CDH11: variants seen among roughly 807,000 people sequenced by gnomAD.
CDH11 encodes the protein cadherin 11.
CDH11 carries 11 observed loss-of-function variants against 67.8 expected under a neutral mutation model. That is an observed-to-expected ratio of 0.16 (90% CI 0.10 to 0.27). The LOEUF (loss-of-function observed/expected upper bound fraction) is 0.27. Ranked by LOEUF, CDH11 falls within the 10% of genes least tolerant of loss-of-function variation. The pLI, the probability that CDH11 is intolerant of heterozygous loss-of-function variation, is 1.00. For synonymous variants in CDH11, 419 were observed against 400.0 expected, an observed-to-expected ratio of 1.05 and a Z score of -0.57; for missense variants, 847 against 1,031.2, an observed-to-expected ratio of 0.82 and a Z score of 2.45.
chr16:65,077,259 T>C (rs924021040), intron 1 of CDH11, among the ~76,000 whole-genome samples: 3 of 152,154 alleles, frequency 2.0e-5, no homozygotes, highest in Non-Finnish European at 2.9e-5. Context: ...AGTTTCCTTA[T>C]TGGAGGAAAA....
At chr16:65,109,770 C>A (rs2075125843) in intron 1 of CDH11, among the ~76,000 whole-genome samples, 2 of 152,208 alleles carry the variant, frequency 1.3e-5, no homozygotes, top group Admixed American at 1.3e-4. Context: ...CCTGCCATAG[C>A]TGCCCTTGGA....
chr16:65,044,509 G>A (rs144868732), intron 2 of CDH11, among the ~76,000 whole-genome samples: 64 of 152,094 alleles, frequency 4.2e-4, no homozygotes, highest in African/African-American at 1.5e-3. Context: ...CCCAGGACCC[G>A]TGGAAGTGAT....
chr16:64,952,192 A>G (rs1217901925), intron 11 of CDH11, among the ~76,000 whole-genome samples: 2 of 152,168 alleles, frequency 1.3e-5, no homozygotes, highest in Non-Finnish European at 2.9e-5. Context: ...ATATAATTCA[A>G]AAGTCATCTC....
intron 2 of CDH11, among the ~76,000 whole-genome samples, chr16:65,042,626 C>T (rs1318247902): frequency 4.6e-5 from 7 of 152,064 alleles, no homozygotes; most frequent in African/African-American, 1.2e-4. Context: ...TAAAACAGGA[C>T]GTCAATAAAT....
At chr16:64,985,166 C>T (rs886741512) in intron 7 of CDH11, 1 of 152,202 alleles carries the variant, frequency 6.6e-6, no homozygotes, top group Non-Finnish European at 1.5e-5. Flanking sequence ...GCTAACCACA[C>T]AGAGATTGTC....
At chr16:65,019,185 G>T (rs1158988805) in intron 2 of CDH11, among the ~76,000 whole-genome samples, 1 of 152,054 alleles carries the variant, frequency 6.6e-6, no homozygotes, top group Non-Finnish European at 1.5e-5. Flanking sequence ...GACTTTAGGA[G>T]ACTTAGTATT....
chr16:65,079,851 G>A (rs138621277), intron 1 of CDH11, among the ~76,000 whole-genome samples: 2 of 152,270 alleles, frequency 1.3e-5, no homozygotes, highest in South Asian at 2.1e-4. Context: ...TTCTCTGACT[G>A]TTTCATCAAG....
chr16:65,035,583 T>G (rs1431964620), intron 2 of CDH11, among the ~76,000 whole-genome samples: 1 of 152,212 alleles, frequency 6.6e-6, no homozygotes, highest in East Asian at 1.9e-4. Flanking sequence ...GCATAAATGC[T>G]TTTTGAATGC....
chr16:65,049,272 C>A (rs1229358298), intron 2 of CDH11, among the ~76,000 whole-genome samples: 4 of 152,146 alleles, frequency 2.6e-5, no homozygotes, highest in African/African-American at 7.2e-5. Flanking sequence ...CCCTCCAACT[C>A]CCTCCCATCC....
In CDH11 at chr16:64,993,287, C is replaced by T. The variant is rs2072679690; in HGVS notation, c.524-253G>A. ...AAATGAACTTTCTGTATTTATAGTACATCCTACATTGGTTGGTGATTAAAA... is the reference window on the plus strand; with the variant it reads ...AAATGAACTTTCTGTATTTATAGTATATCCTACATTGGTTGGTGATTAAAA... On this transcript the variant is annotated intron_variant, in intron 4 of 12. Coordinates refer to ENST00000268603, the MANE Select transcript of CDH11 (RefSeq NM_001797.4). Among the ~76,000 whole-genome samples the T allele has an allele frequency of 3.3e-5, 5 of 151,338 alleles. No individual in the cohort carries two copies. The South Asian group carries it at 8.3e-4, about 25-fold the overall frequency.
intron 2 of CDH11, among the ~76,000 whole-genome samples, chr16:65,040,563 G>T (rs938690224): frequency 6.6e-6 from 1 of 152,028 alleles, no homozygotes. Context: ...TTGTGGGGTG[G>T]GGGGAGGAGG....
intron 1 of CDH11, among the ~76,000 whole-genome samples, chr16:65,073,670 C>T (rs533904864): frequency 2.0e-5 from 3 of 152,230 alleles, no homozygotes; most frequent in East Asian, 3.9e-4. Context: ...ACTCACTCAT[C>T]CCAAACTAGA....
intron 1 of CDH11, among the ~76,000 whole-genome samples, chr16:65,062,730 A>T (rs2142744789): frequency 6.6e-6 from 1 of 152,330 alleles, no homozygotes; most frequent in Non-Finnish European, 1.5e-5. Context: ...TCCACTTTAT[A>T]ATCAGGTAGA....
At chr16:65,015,133 G>A (rs1415851338) in intron 2 of CDH11, among the ~76,000 whole-genome samples, 1 of 151,390 alleles carries the variant, frequency 6.6e-6, no homozygotes, top group Non-Finnish European at 1.5e-5. Flanking sequence ...CGGCCTCCCA[G>A]AGTGCTTGGA....
intron 1 of CDH11, among the ~76,000 whole-genome samples, chr16:65,083,777 A>T (rs1474322787): frequency 6.6e-6 from 1 of 152,250 alleles, no homozygotes; most frequent in Non-Finnish European, 1.5e-5. Context: ...TCCAGAGGGA[A>T]GTCCCCATGC....
At chr16:65,091,088 A>G (rs2074784974) in intron 1 of CDH11, among the ~76,000 whole-genome samples, 1 of 152,250 alleles carries the variant, frequency 6.6e-6, no homozygotes, top group South Asian at 2.1e-4. Context: ...CAGACTGAAT[A>G]CATAATTCAA....
At position 65,004,632 on chromosome 16, in the gene CDH11, G is replaced by A. The variant is rs763391760; in HGVS notation, c.228+10C>T. 1.2e-6 allele frequency: 2 copies of A among 1,608,158 alleles called. No homozygotes were observed. Among genetic ancestry groups the A allele is most frequent in the Non-Finnish European group, 1.7e-6 (2 of 1,177,544 alleles). ...TTGGAAAGCTCAGGATTGAGGGAAG[G>A]CAGCCTTACCCTGCCCACAAGCACG... On this transcript the variant is annotated intron_variant, in intron 3 of 12. Coordinates refer to ENST00000268603, the MANE Select transcript of CDH11 (RefSeq NM_001797.4).
At chr16:65,046,103 G>C (rs1270275466) in intron 2 of CDH11, among the ~76,000 whole-genome samples, 1 of 152,168 alleles carries the variant, frequency 6.6e-6, no homozygotes, top group Non-Finnish European at 1.5e-5. Flanking sequence ...ACGCAGGGAG[G>C]AAATGCACAG....
intron 1 of CDH11, among the ~76,000 whole-genome samples, chr16:65,061,102 G>A (rs929619593): frequency 2.0e-5 from 3 of 152,200 alleles, no homozygotes; most frequent in Non-Finnish European, 4.4e-5. Context: ...GTGTAACATA[G>A]TGCTTTTTTA....
Sources: gnomAD v4.1 joint callset for allele counts (sites outside exome capture counted in the v4.1 genomes callset) on GRCh38, gnomAD v4.1.1 for gene constraint, MANE v1.5 for transcripts, NCBI Gene and HGNC (gene_info 2026-07-23, HGNC 2026-07-21) for gene names.